RADIL: variants seen among roughly 807,000 people sequenced by gnomAD.
RADIL encodes ras-associating and dilute domain-containing protein.
RADIL carries 99 observed loss-of-function variants against 97.6 expected under a neutral mutation model. That is an observed-to-expected ratio of 1.01 (90% CI 0.86 to 1.20). RADIL has a LOEUF of 1.20. Ranked by LOEUF, RADIL falls within the 50% of genes most tolerant of loss-of-function variation. The pLI, the probability that RADIL is intolerant of heterozygous loss-of-function variation, is 0.00. For synonymous variants in RADIL, 803 were observed against 691.8 expected, an observed-to-expected ratio of 1.16 and a Z score of -2.52; for missense variants, 1,765 against 1,498.9, an observed-to-expected ratio of 1.18 and a Z score of -2.93.
rs551844233 is a variant in RADIL at position 4,819,696 on chromosome 7, G to A, written c.1616-2345C>T. ...TCGGGACGCGACAGCCCTGCTCTCC[G>A]AATTCTTCCCACAGACATTTCCTGC... On this transcript the variant is annotated intron_variant, in intron 6 of 14. Coordinates refer to ENST00000399583, the MANE Select transcript of RADIL (RefSeq NM_018059.5). The surrounding 1 kb of genome is among the most constrained non-coding windows in gnomAD (Gnocchi z 5.8). Among the ~76,000 whole-genome samples the A allele has an allele frequency of 3.3e-5, 5 of 152,306 alleles. No individual in the cohort carries two copies. The highest frequency in any genetic ancestry group is 1.9e-4 in the East Asian group (1 of 5,170).
rs1782723946 is a variant in RADIL, at chr7:4,818,027, G to A, written c.1616-676C>T. On this transcript the variant is annotated intron_variant, in intron 6 of 14. Coordinates refer to ENST00000399583, the MANE Select transcript of RADIL (RefSeq NM_018059.5). This position sits in a 1 kb window ranked among gnomAD's most constrained non-coding sequence, Gnocchi z 7.1. ...GGTCCCATCAGCACCTGGGGAAGGG[G>A]CCAGGACCCTGGGTGTTCCGCCTTT... is the stretch of plus-strand genomic sequence containing the variant. 1.3e-5 allele frequency among the ~76,000 whole-genome samples: 2 copies of A among 152,332 alleles called. No homozygotes were observed. The highest frequency in any genetic ancestry group is 6.5e-5 in the Admixed American group (1 of 15,312).
rs1015671404 is a variant in RADIL, at chr7:4,842,906, G to A, written c.536-6301C>T. Among the ~76,000 whole-genome samples, 42 of 151,918 alleles carry A rather than the reference G, an allele frequency of 2.8e-4. 1 individual carries two copies. The highest frequency in any genetic ancestry group is 9.7e-4 in the African/African-American group (40 of 41,424). On this transcript the variant is annotated intron_variant, in intron 2 of 14. Transcript: ENST00000399583. The surrounding 1 kb of genome is among the most constrained non-coding windows in gnomAD (Gnocchi z 4.5). ...TGGAGTGCAGTGTGGATTCACAGGC[G>A]TGGTCACCATAATACCCTGCAGCCT...
In RADIL at chr7:4,819,687, C is replaced by G. The variant is rs1221914165; in HGVS notation, c.1616-2336G>C. On this transcript the variant is annotated intron_variant, in intron 6 of 14. Coordinates refer to ENST00000399583, the MANE Select transcript of RADIL (RefSeq NM_018059.5). This position sits in a 1 kb window ranked among gnomAD's most constrained non-coding sequence, Gnocchi z 5.8. ...GACCCACCCTCGGGACGCGACAGCC[C>G]TGCTCTCCGAATTCTTCCCACAGAC... Among the ~76,000 whole-genome samples, 1 of 152,212 alleles carries G rather than the reference C, an allele frequency of 6.6e-6. No individual in the cohort carries two copies. Among genetic ancestry groups the G allele is most frequent in the Non-Finnish European group, 1.5e-5 (1 of 68,032 alleles).
chr7:4,812,627 G>C lies in RADIL; in HGVS notation c.2139+2651C>G, dbSNP rs545532345. On this transcript the variant is annotated intron_variant, in intron 9 of 14. Transcript: ENST00000399583. ...AGTTGAGACGGGGTATTGCCATATT[G>C]GGCAGGCTGGTCTCAAACTCCTGAC... 3.3e-5 allele frequency among the ~76,000 whole-genome samples: 5 copies of C among 152,150 alleles called. No homozygotes were observed. The South Asian group carries it at 1.0e-3, about 32-fold the overall frequency.
At position 4,814,642 on chromosome 7, in the gene RADIL, C is replaced by G. The variant is rs556174363; in HGVS notation, c.2139+636G>C. Among the ~76,000 whole-genome samples the G allele has an allele frequency of 1.5e-4, 23 of 152,346 alleles. No individual in the cohort carries two copies. The South Asian group carries it at 4.8e-3, about 32-fold the overall frequency. On this transcript the variant is annotated intron_variant, in intron 9 of 14. Transcript: ENST00000399583. This position sits in a 1 kb window ranked among gnomAD's most constrained non-coding sequence, Gnocchi z 4.5. ...ATTGCCGTTGTGACAAATGCCCACA[C>G]GCCTGGCGGTCACGGCCACACAGTG...
rs1384928140 is a variant in RADIL at position 4,840,828 on chromosome 7, G to A, written c.536-4223C>T. 2.6e-5 allele frequency among the ~76,000 whole-genome samples: 4 copies of A among 152,174 alleles called. No individual in the cohort carries two copies. Among genetic ancestry groups the A allele is most frequent in the African/African-American group, 7.2e-5 (3 of 41,442 alleles). On this transcript the variant is annotated intron_variant, in intron 2 of 14. Transcript: ENST00000399583. This position sits in a 1 kb window ranked among gnomAD's most constrained non-coding sequence, Gnocchi z 5.6. ...CTAAAAATACAAAACTTAGCTGGGCGTGGAGGTGGGCGCCTGTAGTCCCGG... is the reference window on the plus strand; with the variant it reads ...CTAAAAATACAAAACTTAGCTGGGCATGGAGGTGGGCGCCTGTAGTCCCGG...
rs1163135570 is a variant in RADIL, at chr7:4,872,017, C to A, written c.535+5588G>T. Among the ~76,000 whole-genome samples the A allele has an allele frequency of 6.6e-6, 1 of 152,214 alleles. No homozygotes were observed. On this transcript the variant is annotated intron_variant, in intron 2 of 14. Coordinates refer to ENST00000399583, the MANE Select transcript of RADIL (RefSeq NM_018059.5). This position sits in a 1 kb window ranked among gnomAD's most constrained non-coding sequence, Gnocchi z 5.8. The stretch of plus-strand genomic sequence containing the variant: ...TGAATGCCAAGACTCTGCACGTCAC[C>A]ATCCCTGAGACCCTGGGTTTGCCAG...
intron 11 of RADIL, among the ~76,000 whole-genome samples, chr7:4,802,947 G>T (rs1231526512): frequency 3.0e-5 from 3 of 99,920 alleles, no homozygotes; most frequent in Non-Finnish European, 5.8e-5. Flanking sequence ...GGGCACCTCG[G>T]GGCACGCTGG....
rs1366436465 is a variant in RADIL, at chr7:4,819,311, A to T, written c.1616-1960T>A. ...GGTCTCAAACTCCTGACCTCATGTG[A>T]TCTGCCTGCCTCGGCCTCCCAAAGT... On this transcript the variant is annotated intron_variant, in intron 6 of 14. Transcript: ENST00000399583. This position sits in a 1 kb window ranked among gnomAD's most constrained non-coding sequence, Gnocchi z 5.8. 1.3e-5 allele frequency among the ~76,000 whole-genome samples: 2 copies of T among 151,730 alleles called. No individual in the cohort carries two copies. Among genetic ancestry groups the T allele is most frequent in the Non-Finnish European group, 2.9e-5 (2 of 67,958 alleles).
chr7:4,860,761 G>T, intron 2 of RADIL: 1 of 1,614,138 alleles, frequency 6.2e-7, no homozygotes. Context: ...GCAAAATCTC[G>T]TGTGTGATAG....
intron 10 of RADIL, 140 bp from the exon 11 acceptor site, chr7:4,803,894 G>A (rs1782202888): frequency 1.2e-6 from 1 of 800,916 alleles, no homozygotes; most frequent in Admixed American, 2.0e-5. Flanking sequence ...AGGAGGCTGG[G>A]ATCCTGGCCA....
intron 2 of RADIL, among the ~76,000 whole-genome samples, chr7:4,848,574 A>G (rs955916364): frequency 5.3e-5 from 8 of 152,224 alleles, no homozygotes; most frequent in African/African-American, 1.9e-4. Flanking sequence ...ATTAACTACA[A>G]AGAAAAATAA....
chr7:4,828,732 T>G (rs963178496), intron 5 of RADIL, among the ~76,000 whole-genome samples: 1 of 152,188 alleles, frequency 6.6e-6, no homozygotes, highest in Non-Finnish European at 1.5e-5. Flanking sequence ...TTCATTATTT[T>G]ACAAAGGAAA....
Position 4,816,452 on chromosome 7 carries a change from C to G in RADIL, c.1742G>C (p.Cys581Ser), listed in dbSNP as rs1562434265. The change falls in exon 8 of 15, where the codon TGC becomes TCC. Residue 581 changes from cysteine (C) to serine (S), a missense_variant. Coordinates refer to ENST00000399583, the MANE Select transcript of RADIL (RefSeq NM_018059.5). Reference protein sequence around the residue: ...VYYVSKSLYICLPALLECPPF... With the variant: ...VYYVSKSLYISLPALLECPPF... ...CGGGCACTCCAGGAGTGCCGGGAGG[C>G]AGATGTACAGGGACTGGCGGGGGCA... The G allele has an allele frequency of 1.2e-6, 2 of 1,606,818 alleles. No homozygotes were observed. Among genetic ancestry groups the G allele is most frequent in the Admixed American group, 3.4e-5 (2 of 59,436 alleles).
At chr7:4,830,066 C>A (rs528690223) in intron 5 of RADIL, among the ~76,000 whole-genome samples, 1 of 152,318 alleles carries the variant, frequency 6.6e-6, no homozygotes, top group African/African-American at 2.4e-5. Flanking sequence ...TTCCACTCTG[C>A]CTTCGTCAGT....
chr7:4,808,907 C>T (rs1782442197), intron 9 of RADIL: 14 of 919,874 alleles, frequency 1.5e-5, no homozygotes, highest in Non-Finnish European at 1.7e-5. Context: ...TCCGACGCCA[C>T]TGCCCCCCCA....
chr7:4,827,963 C>G (rs2115211823), intron 5 of RADIL, among the ~76,000 whole-genome samples: 1 of 151,884 alleles, frequency 6.6e-6, no homozygotes, highest in Admixed American at 6.5e-5. Context: ...ATGGGAAAAT[C>G]CTAATTAAAA....
chr7:4,811,128 G>C (rs1282547405), intron 9 of RADIL: 1 of 151,910 alleles, frequency 6.6e-6, no homozygotes, highest in African/African-American at 2.4e-5. Flanking sequence ...ACGACAGAGT[G>C]AGACTCCGTC....
At chr7:4,832,541 C>A (rs1783174669) in intron 4 of RADIL, among the ~76,000 whole-genome samples, 1 of 151,982 alleles carries the variant, frequency 6.6e-6, no homozygotes, top group Admixed American at 6.6e-5. Context: ...GAATTCGAGA[C>A]CAGCCTGGAC....
Sources: allele counts gnomAD v4.1 joint callset (sites outside exome capture counted in the v4.1 genomes callset), GRCh38; gene constraint gnomAD v4.1.1; non-coding constraint Gnocchi (gnomAD v3.1); transcripts MANE v1.5; gene names NCBI Gene and HGNC (gene_info 2026-07-23, HGNC 2026-07-21).